Variants in EML6 observed in about 807,000 individuals in gnomAD.
EML6 encodes EMAP like 6, also known as echinoderm microtubule-associated protein-like 6.
In EML6, 154 loss-of-function variants were observed where a neutral mutation model predicts 240.1. The ratio of observed to expected loss-of-function variants is 0.64; its 90% CI spans 0.56 to 0.73. EML6 has a LOEUF of 0.73. Ranked by LOEUF, EML6 falls within the 30% of genes least tolerant of loss-of-function variation. EML6 has a pLI of 0.00. For synonymous variants in EML6, 1,148 were observed against 899.0 expected (o/e 1.28, Z -4.95); for missense variants, 2,964 against 2,474.6 (o/e 1.20, Z -4.20).
At chr2:54,780,999 A>G (rs1358391575) in intron 2 of EML6, among the ~76,000 whole-genome samples, 1 of 152,220 alleles carries the variant, frequency 6.6e-6, no homozygotes, top group Non-Finnish European at 1.5e-5. Flanking sequence ...AAAACGTGAA[A>G]GGTAATACTA....
At chr2:54,873,507 G>A (rs1425265508) in intron 16 of EML6, among the ~76,000 whole-genome samples, 4 of 152,106 alleles carry the variant, frequency 2.6e-5, no homozygotes, top group African/African-American at 9.7e-5. Context: ...TAGGTGTGCT[G>A]TGTGTCACTG....
At chr2:54,826,528 A>G (rs566400134) in intron 5 of EML6, among the ~76,000 whole-genome samples, 36 of 152,324 alleles carry the variant, frequency 2.4e-4, no homozygotes, top group African/African-American at 7.9e-4. Flanking sequence ...TGAACCCAGG[A>G]GGCAGAGGTT....
chr2:54,824,691 T>A (rs1368199929), intron 5 of EML6, among the ~76,000 whole-genome samples: 1 of 152,138 alleles, frequency 6.6e-6, no homozygotes, highest in East Asian at 1.9e-4. Flanking sequence ...GCTGCTTCAC[T>A]GGTTTTATAG....
intron 32 of EML6, among the ~76,000 whole-genome samples, chr2:54,956,754 G>A (rs768694799): frequency 3.9e-5 from 6 of 152,060 alleles, no homozygotes; most frequent in African/African-American, 7.2e-5. Flanking sequence ...AAACAAATGC[G>A]AAGTGATGAG....
chr2:54,877,009 G>A (rs184779270), intron 16 of EML6, among the ~76,000 whole-genome samples: 4 of 150,780 alleles, frequency 2.7e-5, no homozygotes, highest in Non-Finnish European at 4.4e-5. Context: ...TTGAGACAAG[G>A]TCTCACTGTG....
At chr2:54,866,716 T>G (rs1397711065) in intron 13 of EML6, 50 bp from the exon 14 acceptor site, 3 of 1,045,738 alleles carry the variant, frequency 2.9e-6, no homozygotes, top group Admixed American at 2.4e-5. Flanking sequence ...CTGATATTTT[T>G]GGAACCTGAT....
intron 28 of EML6, among the ~76,000 whole-genome samples, chr2:54,930,454 A>G (rs1485352595): frequency 2.0e-5 from 3 of 151,988 alleles, no homozygotes; most frequent in Non-Finnish European, 2.9e-5. Context: ...ATGCTACCCC[A>G]TTTTATTATC....
chr2:54,790,724 CT>C (rs368684488), intron 2 of EML6, among the ~76,000 whole-genome samples: 18,353 of 122,670 alleles, frequency 0.15, 935 homozygotes, highest in Admixed American at 0.23. Context: ...CTTAATTTTC[CT>C]TTTTTTTTTT....
intron 8 of EML6, among the ~76,000 whole-genome samples, chr2:54,845,997 C>G (rs966943111): frequency 6.6e-6 from 1 of 152,210 alleles, no homozygotes; most frequent in Non-Finnish European, 1.5e-5. Context: ...TTATTTCTAT[C>G]TTCAGATGTT....
chr2:54,911,764 A>G (rs1277780756), intron 25 of EML6, among the ~76,000 whole-genome samples: 3 of 152,190 alleles, frequency 2.0e-5, no homozygotes, highest in Non-Finnish European at 4.4e-5. Context: ...GACAAAAACA[A>G]TCTGCAATCT....
At chr2:54,806,402 C>G (rs1035188142) in intron 2 of EML6, among the ~76,000 whole-genome samples, 1 of 151,902 alleles carries the variant, frequency 6.6e-6, no homozygotes, top group African/African-American at 2.4e-5. Context: ...CACCTGAGGT[C>G]AGATATTCGA....
intron 2 of EML6, among the ~76,000 whole-genome samples, chr2:54,801,353 A>T (rs1163953443): frequency 1.3e-5 from 2 of 152,052 alleles, no homozygotes; most frequent in East Asian, 3.9e-4. Flanking sequence ...ATTGGAATTG[A>T]AAATTTCTTC....
At position 54,797,164 on chromosome 2, in the gene EML6, C is replaced by CAAAAAAAAAAA. The variant is rs773498648; in HGVS notation, c.198-16053_198-16043dup. Among the ~76,000 whole-genome samples the CAAAAAAAAAAA allele has an allele frequency of 2.5e-4, 11 of 43,828 alleles. 1 individual carries two copies. Among genetic ancestry groups the CAAAAAAAAAAA allele is most frequent in the Middle Eastern group, 0.024 (2 of 82 alleles). The allele number at this position is 43,828 out of a possible 152,430, so 28.8% of individuals were successfully genotyped here. On this transcript the variant is annotated intron_variant, in intron 2 of 41. Transcript: ENST00000356458. ...TGGGTGACAGAGCAAGACTCCATCTCAAAAAAAAAAAAAAAAAAAAAAAAA... is the reference window on the plus strand; with the variant it reads ...TGGGTGACAGAGCAAGACTCCATCTCAAAAAAAAAAAAAAAAAAAAAAAAAAAAAAAAAAAA...
chr2:54,897,873 G>C (rs1672851932), intron 21 of EML6, among the ~76,000 whole-genome samples: 1 of 152,090 alleles, frequency 6.6e-6, no homozygotes, highest in Non-Finnish European at 1.5e-5. Context: ...CCGTGTCACA[G>C]TCCTGTTCTG....
At chr2:54,932,351 A>T (rs552080239) in intron 28 of EML6, among the ~76,000 whole-genome samples, 1 of 152,252 alleles carries the variant, frequency 6.6e-6, no homozygotes, top group South Asian at 2.1e-4. Flanking sequence ...GAAAGTCATG[A>T]AGTCTTTTTT....
chr2:54,794,383 T>C (rs113760955), intron 2 of EML6, among the ~76,000 whole-genome samples: 2 of 152,294 alleles, frequency 1.3e-5, no homozygotes, highest in South Asian at 4.1e-4. Context: ...AAATTTTTCT[T>C]AGCAAAATTC....
At chr2:54,825,695 T>C (rs909151553) in intron 5 of EML6, among the ~76,000 whole-genome samples, 3 of 152,238 alleles carry the variant, frequency 2.0e-5, no homozygotes, top group African/African-American at 7.2e-5. Flanking sequence ...CCCTTCATTC[T>C]TGCCAAGGCA....
rs1213187141 is a variant in EML6 at position 54,903,033 on chromosome 2, T to C, written c.3125-11T>C. The C allele has an allele frequency of 1.3e-6, 2 of 1,545,808 alleles. No homozygotes were observed. The highest frequency in any genetic ancestry group is 1.7e-6 in the Non-Finnish European group (2 of 1,145,358). On this transcript the variant is annotated splice_polypyrimidine_tract_variant and intron_variant, in intron 22 of 41. Coordinates refer to ENST00000356458, the MANE Select transcript of EML6 (RefSeq NM_001039753.4). ...TTGGATAATAAGTGTTTTTTGTGGATTCTTCTGTAGGTGGAAGATGCTGTG... is the reference window on the plus strand; with the variant it reads ...TTGGATAATAAGTGTTTTTTGTGGACTCTTCTGTAGGTGGAAGATGCTGTG...
intron 25 of EML6, among the ~76,000 whole-genome samples, chr2:54,914,310 T>C (rs752152058): frequency 1.3e-5 from 2 of 152,178 alleles, no homozygotes; most frequent in African/African-American, 2.4e-5. Flanking sequence ...TGTGACTCCA[T>C]GGCCTACACC....
Sources: allele counts gnomAD v4.1 joint callset (sites outside exome capture counted in the v4.1 genomes callset), GRCh38; gene constraint gnomAD v4.1.1; transcripts MANE v1.5; gene names NCBI Gene and HGNC (gene_info 2026-07-23, HGNC 2026-07-21).